RHPN2: variants seen among roughly 807,000 people sequenced by gnomAD.
RHPN2 encodes the protein rhophilin Rho GTPase binding protein 2.
RHPN2 carries 40 observed loss-of-function variants against 79.0 expected under a neutral mutation model. The ratio of observed to expected loss-of-function variants is 0.51; its 90% CI spans 0.39 to 0.66. RHPN2 has a LOEUF of 0.66. RHPN2 is among the 30% of genes least tolerant of loss of function. The pLI is 0.00. For missense variants in RHPN2, 686 were observed against 883.5 expected (o/e 0.78, Z 2.83); for synonymous variants, 285 against 363.5 (o/e 0.78, Z 2.46).
At chr19:33,056,093 TTTTC>T (rs1972230115) in intron 1 of RHPN2, among the ~76,000 whole-genome samples, 1 of 143,422 alleles carries the variant, frequency 7.0e-6, no homozygotes, top group South Asian at 2.4e-4. Context: ...GCTGCTTTTC[TTTTC>T]TTTTTTTTTT....
chr19:32,989,317 C>A (rs941953745), intron 14 of RHPN2, among the ~76,000 whole-genome samples: 2 of 152,162 alleles, frequency 1.3e-5, no homozygotes, highest in Admixed American at 1.3e-4. Flanking sequence ...CCTTGTTGGT[C>A]AGGCTGGTCT....
rs1459932732 is a variant in RHPN2, at chr19:32,987,962, C to T, written c.1800+2552G>A. Among the ~76,000 whole-genome samples, 8 of 152,082 alleles carry T rather than the reference C, an allele frequency of 5.3e-5. No homozygotes were observed. The South Asian group carries it at 1.7e-3, about 32-fold the overall frequency. Reference sequence around the variant, plus strand: ...TTGGGAGGCGGAGGTGGGAGGATCGCTTAAGGCCAGGAGTTTGAGGCCAAC... The same window carrying T: ...TTGGGAGGCGGAGGTGGGAGGATCGTTTAAGGCCAGGAGTTTGAGGCCAAC... On this transcript the variant is annotated intron_variant, in intron 14 of 14. Transcript: ENST00000254260.
chr19:33,021,406 G>T lies in RHPN2; in HGVS notation c.390+165C>A, dbSNP rs1971922685. Among the ~76,000 whole-genome samples, 3 of 151,970 alleles carry T rather than the reference G, an allele frequency of 2.0e-5. No homozygotes were observed. The South Asian group carries it at 6.2e-4, about 32-fold the overall frequency. ...GGGTCTCATTCTGTTGCCCAGCCTG[G>T]AGTGCAGTTGTATGATCACAACTCA... On this transcript the variant is annotated intron_variant, in intron 4 of 14. Transcript: ENST00000254260.
At chr19:33,063,597 T>C (rs1036860294) in intron 1 of RHPN2, among the ~76,000 whole-genome samples, 3 of 152,222 alleles carry the variant, frequency 2.0e-5, no homozygotes, top group Admixed American at 6.5e-5. Flanking sequence ...TTAGACTTGC[T>C]CAGGACCTAG....
chr19:32,996,245 G>A (rs767079303), intron 10 of RHPN2, 25 bp from the exon 11 acceptor site: 5 of 1,613,706 alleles, frequency 3.1e-6, no homozygotes, highest in Middle Eastern at 1.7e-4. Flanking sequence ...CAGCACCCAC[G>A]TGACTTGCAG....
At chr19:32,996,409 C>T in intron 10 of RHPN2, 189 bp from the exon 11 acceptor site, 1 of 646,952 alleles carries the variant, frequency 1.5e-6, no homozygotes, top group Non-Finnish European at 2.8e-6. Flanking sequence ...GGACAGACTC[C>T]ATTTTAGTTT....
Position 32,996,178 on chromosome 19 carries a change from G to C in RHPN2, c.1268C>G (p.Ser423Trp). ...CTTGCAGAGGCTGGCCTCCCGCACCGACTCCTCGTGATGAGCCATGGCTCT... is the reference window on the plus strand; with the variant it reads ...CTTGCAGAGGCTGGCCTCCCGCACCCACTCCTCGTGATGAGCCATGGCTCT... ...LRRAMAHHEE[S>W]VREASLCKKL... The change falls in exon 11 of 15, where the codon TCG (serine) becomes TGG (tryptophan). Residue 423 changes from serine to tryptophan, a missense_variant. Ser to Trp is a radical substitution (Grantham distance 177, BLOSUM62 -3). Coordinates refer to ENST00000254260, the MANE Select transcript of RHPN2 (RefSeq NM_033103.5). The C allele has an allele frequency of 6.2e-7, 1 of 1,614,118 alleles. No individual in the cohort carries two copies. Among genetic ancestry groups the C allele is most frequent in the Non-Finnish European group, 8.5e-7 (1 of 1,180,032 alleles).
chr19:33,008,250 C>A, intron 6 of RHPN2, 70 bp from the exon 7 acceptor site: 288 of 1,084,018 alleles, frequency 2.7e-4, no homozygotes, highest in Non-Finnish European at 3.4e-4. Context: ...GGAAAAAATT[C>A]TTTTTTTTTT....
intron 4 of RHPN2, among the ~76,000 whole-genome samples, chr19:33,016,423 G>A (rs1253728921): frequency 6.6e-6 from 1 of 152,174 alleles, no homozygotes; most frequent in East Asian, 1.9e-4. Flanking sequence ...GCTCACGCCT[G>A]TAATCCCAAC....
At chr19:32,988,699 C>G (rs1971630646) in intron 14 of RHPN2, among the ~76,000 whole-genome samples, 1 of 152,028 alleles carries the variant, frequency 6.6e-6, no homozygotes, top group Non-Finnish European at 1.5e-5. Context: ...GGCTCTGTAC[C>G]TGTAAGTGCC....
At chr19:33,029,359 T>C (rs573971546) in intron 2 of RHPN2, among the ~76,000 whole-genome samples, 1 of 151,680 alleles carries the variant, frequency 6.6e-6, no homozygotes, top group East Asian at 2.0e-4. Context: ...ACCCTGTCTC[T>C]ACTAAAAATG....
At chr19:33,054,590 C>T (rs996247548) in intron 1 of RHPN2, among the ~76,000 whole-genome samples, 3 of 152,174 alleles carry the variant, frequency 2.0e-5, no homozygotes, top group African/African-American at 7.2e-5. Flanking sequence ...CATCATTCAC[C>T]GTGGTGTCTC....
chr19:33,024,808 C>CT (rs1971953225), intron 3 of RHPN2, among the ~76,000 whole-genome samples: 1 of 152,164 alleles, frequency 6.6e-6, no homozygotes, highest in African/African-American at 2.4e-5. Context: ...TGAGACAGGA[C>CT]TTTTTTCTGT....
At chr19:33,045,772 C>T (rs1297714976) in intron 1 of RHPN2, among the ~76,000 whole-genome samples, 1 of 152,204 alleles carries the variant, frequency 6.6e-6, no homozygotes, top group Non-Finnish European at 1.5e-5. Context: ...CCACGCCCAT[C>T]AACCACTATC....
At chr19:33,015,822 G>A (rs868747356) in intron 4 of RHPN2, among the ~76,000 whole-genome samples, 56 of 152,286 alleles carry the variant, frequency 3.7e-4, no homozygotes, top group African/African-American at 1.3e-3. Context: ...GCTGAGGTGG[G>A]CGGATCAGTT....
chr19:32,993,643 G>A (rs949201965), intron 12 of RHPN2, among the ~76,000 whole-genome samples: 3 of 151,990 alleles, frequency 2.0e-5, no homozygotes, highest in East Asian at 1.9e-4. Flanking sequence ...GGGGCCTCTC[G>A]AGAGGTGATT....
chr19:32,983,324 A>G (rs1323811515), intron 14 of RHPN2, among the ~76,000 whole-genome samples: 1 of 151,932 alleles, frequency 6.6e-6, no homozygotes, highest in African/African-American at 2.4e-5. Flanking sequence ...CATCGGGGCT[A>G]ACATGGTGAA....
intron 10 of RHPN2, among the ~76,000 whole-genome samples, chr19:32,999,080 C>G (rs1302255428): frequency 6.6e-6 from 1 of 151,666 alleles, no homozygotes; most frequent in Non-Finnish European, 1.5e-5. Flanking sequence ...GCCTGAGCAC[C>G]TAGAGGGGTG....
intron 2 of RHPN2, among the ~76,000 whole-genome samples, chr19:33,041,900 T>C (rs1261235351): frequency 6.6e-6 from 1 of 152,136 alleles, no homozygotes; most frequent in Non-Finnish European, 1.5e-5. Context: ...AGGTGCTCAA[T>C]AGCCAGGCAC....
Sources: allele counts gnomAD v4.1 joint callset (sites outside exome capture counted in the v4.1 genomes callset), GRCh38; gene constraint gnomAD v4.1.1; transcripts MANE v1.5; gene names NCBI Gene and HGNC (gene_info 2026-07-23, HGNC 2026-07-21).